ANKIB1: variants seen among roughly 807,000 people sequenced by gnomAD.
ANKIB1 encodes the protein ankyrin repeat and IBR domain containing 1, also known as ankyrin repeat and IBR domain-containing protein 1.
In ANKIB1, 43 loss-of-function variants were observed where a neutral mutation model predicts 122.1. The observed-to-expected ratio is 0.35, with a 90% CI of 0.28 to 0.45. The LOEUF is 0.45. Among genes scored for constraint, ANKIB1 ranks in the 20% least tolerant of loss-of-function variants. The probability of loss-of-function intolerance (pLI) is 1.00; values close to 1 mark genes in which losing one functional copy is unlikely to be tolerated. For missense variants in ANKIB1, 992 were observed against 1,329.5 expected (o/e 0.75, Z 3.95); for synonymous variants, 390 against 442.0 (o/e 0.88, Z 1.48).
Position 92,246,265 on chromosome 7 carries a change from A to C in ANKIB1, c.-345A>C. On this transcript the variant is annotated 5_prime_UTR_variant, in exon 1 of 20. Transcript: ENST00000265742. ...GGCCGGAGAGGGATGGGGGGCGCCC[A>C]CCCAGTCTGAGCCTCGCCGCGGGCG... 2 of 393,762 alleles carry C rather than the reference A, an allele frequency of 5.1e-6. No homozygotes were observed. The highest frequency in any genetic ancestry group is 2.3e-5 in the African/African-American group (1 of 44,314). 24.4% of individuals were successfully genotyped at this position (393,762 alleles called of 1,614,324 possible).
At chr7:92,307,145 T>C (rs1802577722) in intron 2 of ANKIB1, among the ~76,000 whole-genome samples, 2 of 152,186 alleles carry the variant, frequency 1.3e-5, no homozygotes, top group South Asian at 2.1e-4. Context: ...TATAAAGATA[T>C]TTACATTTAT....
rs371604274 is a variant in ANKIB1 at position 92,265,451 on chromosome 7, G to A, written c.-91+18932G>A. 2.6e-5 allele frequency among the ~76,000 whole-genome samples: 4 copies of A among 152,276 alleles called. 1 individual carries two copies. On this transcript the variant is annotated intron_variant, in intron 1 of 19. Transcript: ENST00000265742. ...TGATATATTCATGGAGCAAAAAAGG[G>A]GCCAGTGTAGCTGGAGCATACTAAG...
chr7:92,326,693 A>G (rs1432610594), intron 4 of ANKIB1, among the ~76,000 whole-genome samples: 2 of 152,200 alleles, frequency 1.3e-5, no homozygotes, highest in East Asian at 3.8e-4. Flanking sequence ...GCTTAAAAGC[A>G]AATTGTATGT....
At chr7:92,261,021 T>TA (rs1801550810) in intron 1 of ANKIB1, among the ~76,000 whole-genome samples, 1 of 149,666 alleles carries the variant, frequency 6.7e-6, no homozygotes, top group Non-Finnish European at 1.5e-5. Context: ...CTAAAATTGA[T>TA]AAAGTCCAAA....
intron 1 of ANKIB1, among the ~76,000 whole-genome samples, chr7:92,274,614 A>C (rs1220332994): frequency 6.6e-6 from 1 of 152,058 alleles, no homozygotes; most frequent in Non-Finnish European, 1.5e-5. Flanking sequence ...GCTCAGCTGC[A>C]TTAGCTGGGA....
chr7:92,255,414 T>A (rs1222390924), intron 1 of ANKIB1, among the ~76,000 whole-genome samples: 1 of 152,206 alleles, frequency 6.6e-6, no homozygotes, highest in Non-Finnish European at 1.5e-5. Flanking sequence ...GTATAGTGGT[T>A]CCACAGTGCT....
intron 11 of ANKIB1, among the ~76,000 whole-genome samples, chr7:92,380,803 C>A (rs767651155): frequency 7.9e-5 from 12 of 152,180 alleles, no homozygotes; most frequent in Non-Finnish European, 1.5e-4. Flanking sequence ...TGGGGAGAAG[C>A]CAGAGCAAAA....
At chr7:92,392,397 CTG>C (rs1804804575) in intron 17 of ANKIB1, 105 bp downstream of exon 17, 1 of 953,944 alleles carries the variant, frequency 1.0e-6, no homozygotes, top group Non-Finnish European at 1.5e-6. Context: ...ATCAGCAGTG[CTG>C]TCTCTTTCTT....
chr7:92,299,082 A>C (rs1802411155), intron 2 of ANKIB1, among the ~76,000 whole-genome samples: 1 of 152,170 alleles, frequency 6.6e-6, no homozygotes, highest in South Asian at 2.1e-4. Flanking sequence ...CTTGAAAATG[A>C]ATTGAGTCTG....
chr7:92,253,111 A>G (rs1353000833), intron 1 of ANKIB1, among the ~76,000 whole-genome samples: 1 of 152,188 alleles, frequency 6.6e-6, no homozygotes, highest in African/African-American at 2.4e-5. Context: ...CTGTGTGTAC[A>G]TATTACAGAA....
chr7:92,343,511 C>T (rs1445670431), intron 6 of ANKIB1, among the ~76,000 whole-genome samples: 1 of 151,978 alleles, frequency 6.6e-6, no homozygotes, highest in African/African-American at 2.4e-5. Flanking sequence ...TTTTATTTTC[C>T]CTTAAAACTT....
intron 1 of ANKIB1, among the ~76,000 whole-genome samples, chr7:92,252,062 C>T (rs943867044): frequency 6.6e-6 from 1 of 152,088 alleles, no homozygotes; most frequent in Admixed American, 6.6e-5. Context: ...TCAGGTTATG[C>T]ATTCCTGGCA....
chr7:92,277,095 C>T (rs1337174218), intron 1 of ANKIB1, among the ~76,000 whole-genome samples: 1 of 152,158 alleles, frequency 6.6e-6, no homozygotes, highest in African/African-American at 2.4e-5. Context: ...CCTCCTTTCC[C>T]TTCCGCCATG....
intron 1 of ANKIB1, among the ~76,000 whole-genome samples, chr7:92,247,702 T>G (rs1468365835): frequency 2.6e-5 from 4 of 152,222 alleles, no homozygotes; most frequent in Non-Finnish European, 4.4e-5. Flanking sequence ...TTATATGACT[T>G]TATGCATTTG....
intron 12 of ANKIB1, 62 bp from the exon 13 acceptor site, chr7:92,387,735 CA>C: frequency 7.7e-7 from 1 of 1,293,054 alleles, no homozygotes; most frequent in Non-Finnish European, 1.1e-6. Flanking sequence ...ATGATTCCCC[CA>C]AAAAACTATT....
intron 2 of ANKIB1, 25 bp downstream of exon 2, chr7:92,295,191 G>C (rs1399013842): frequency 6.9e-7 from 1 of 1,448,330 alleles, no homozygotes; most frequent in Non-Finnish European, 9.2e-7. Flanking sequence ...AAACTAATTG[G>C]TATTAGGGTA....
intron 1 of ANKIB1, among the ~76,000 whole-genome samples, chr7:92,260,182 C>T (rs976679842): frequency 5.3e-5 from 8 of 152,160 alleles, no homozygotes; most frequent in African/African-American, 1.9e-4. Context: ...CCTACCTACA[C>T]AGTTGCCTGC....
At chr7:92,313,624 G>A (rs1309364407) in intron 3 of ANKIB1, among the ~76,000 whole-genome samples, 2 of 152,118 alleles carry the variant, frequency 1.3e-5, no homozygotes, top group Non-Finnish European at 2.9e-5. Context: ...AAGATTTCAT[G>A]GGTAGTAGTA....
At chr7:92,338,663 G>A (rs1357818404) in intron 5 of ANKIB1, among the ~76,000 whole-genome samples, 2 of 151,278 alleles carry the variant, frequency 1.3e-5, no homozygotes, top group East Asian at 2.0e-4. Context: ...TGTAATCCCA[G>A]CACTTTGGGA....
Sources: allele counts gnomAD v4.1 joint callset (sites outside exome capture counted in the v4.1 genomes callset), GRCh38; gene constraint gnomAD v4.1.1; transcripts MANE v1.5; gene names NCBI Gene and HGNC (gene_info 2026-07-23, HGNC 2026-07-21).